NRP2: variants seen among roughly 807,000 people sequenced by gnomAD.
NRP2 encodes neuropilin-2.
NRP2 carries 52 observed loss-of-function variants against 110.4 expected under a neutral mutation model. That is an observed-to-expected ratio of 0.47 (90% confidence interval 0.38 to 0.59). NRP2 has a LOEUF of 0.59. Ranked by LOEUF, NRP2 falls within the 20% of genes least tolerant of loss-of-function variation. The pLI is 0.00. For synonymous variants in NRP2, 508 were observed against 468.9 expected (o/e 1.08, Z -1.08); for missense variants, 1,049 against 1,203.0 (o/e 0.87, Z 1.89).
At chr2:205,791,139 A>T (rs559978179) in intron 15 of NRP2, among the ~76,000 whole-genome samples, 14 of 152,314 alleles carry the variant, frequency 9.2e-5, no homozygotes, top group African/African-American at 3.4e-4. Flanking sequence ...TGTAGTGCTG[A>T]TGAAGGAAGC....
At chr2:205,722,729 T>G in intron 4 of NRP2, 21 bp downstream of exon 4, 1 of 1,597,508 alleles carries the variant, frequency 6.3e-7, no homozygotes, top group Non-Finnish European at 8.6e-7. Context: ...TCATGAGGCA[T>G]TCCTCAGTAG....
chr2:205,770,017 G>GT (rs886975420), intron 15 of NRP2, among the ~76,000 whole-genome samples: 3 of 152,180 alleles, frequency 2.0e-5, no homozygotes, highest in Non-Finnish European at 4.4e-5. Flanking sequence ...GGAGGCAAGA[G>GT]TTTTTGTTCG....
At chr2:205,765,743 G>A in intron 14 of NRP2, 173 bp downstream of exon 14, 1 of 745,532 alleles carries the variant, frequency 1.3e-6, no homozygotes, top group Non-Finnish European at 2.5e-6. Context: ...TGGGTTCAGG[G>A]TGGGAAGGGG....
chr2:205,704,046 T>C (rs984315581), intron 2 of NRP2, among the ~76,000 whole-genome samples: 2 of 152,082 alleles, frequency 1.3e-5, no homozygotes, highest in Non-Finnish European at 2.9e-5. Flanking sequence ...CCCTGTCCAT[T>C]GTAGGGTCTC....
chr2:205,793,183 T>G (rs1021198811), intron 16 of NRP2, among the ~76,000 whole-genome samples: 1 of 152,066 alleles, frequency 6.6e-6, no homozygotes, highest in African/African-American at 2.4e-5. Context: ...CCAACCTACA[T>G]GGAGAGACCG....
intron 7 of NRP2, among the ~76,000 whole-genome samples, chr2:205,735,181 G>C (rs1272427901): frequency 6.6e-6 from 1 of 152,098 alleles, no homozygotes. Context: ...CTGGGCACAT[G>C]GGTATTGATA....
chr2:205,743,657 A>C lies in NRP2; in HGVS notation c.1641+105A>C. On this transcript the variant is annotated intron_variant, in intron 9 of 16. Coordinates refer to ENST00000357785, the MANE Select transcript of NRP2 (RefSeq NM_003872.3). ...TGTCCCATCTAAACAGTCGTCATCC[A>C]ACTCCTGAAATCCAATAAAACAAAT... 1.0e-5 allele frequency: 15 copies of C among 1,506,070 alleles called. No individual in the cohort carries two copies. The South Asian group carries it at 2.0e-4, about 20-fold the overall frequency. 93.3% of individuals were successfully genotyped at this position (1,506,070 alleles called of 1,614,324 possible).
chr2:205,738,242 C>A (rs1559338115), intron 7 of NRP2, among the ~76,000 whole-genome samples: 1 of 152,132 alleles, frequency 6.6e-6, no homozygotes, highest in Non-Finnish European at 1.5e-5. Flanking sequence ...CCAATGTGAA[C>A]TCCTTAGCGT....
Position 205,725,063 on chromosome 2 carries a change from C to T in NRP2, c.821-850C>T, listed in dbSNP as rs185279765. On this transcript the variant is annotated intron_variant, in intron 5 of 16. Transcript: ENST00000357785. This position sits in a 1 kb window ranked among gnomAD's most constrained non-coding sequence, Gnocchi z 4.1. Reference sequence around the variant, plus strand: ...AGACAACTCACCATATATATAACTACAGACACGGCAGCCTGGCCTGCAGGA... The same window carrying T: ...AGACAACTCACCATATATATAACTATAGACACGGCAGCCTGGCCTGCAGGA... Among the ~76,000 whole-genome samples the T allele has an allele frequency of 6.8e-4, 103 of 152,336 alleles. No homozygotes were observed. The highest frequency in any genetic ancestry group is 1.1e-3 in the Admixed American group (17 of 15,298).
In NRP2 at chr2:205,686,488, C is replaced by A. The variant is rs1050929199; in HGVS notation, c.73+3125C>A. Among the ~76,000 whole-genome samples, 1 of 152,218 alleles carries A rather than the reference C, an allele frequency of 6.6e-6. No homozygotes were observed. The highest frequency in any genetic ancestry group is 6.5e-5 in the Admixed American group (1 of 15,284). ...TCAACACAAGTTAATGGAGGCAAGG[C>A]GCGCTCTGATTGAAGGGCTGCCCCC... On this transcript the variant is annotated intron_variant, in intron 1 of 16. Coordinates refer to ENST00000357785, the MANE Select transcript of NRP2 (RefSeq NM_003872.3). This position sits in a 1 kb window ranked among gnomAD's most constrained non-coding sequence, Gnocchi z 4.7.
At chr2:205,770,356 G>A (rs1235382531) in intron 15 of NRP2, among the ~76,000 whole-genome samples, 3 of 152,120 alleles carry the variant, frequency 2.0e-5, no homozygotes, top group Non-Finnish European at 2.9e-5. Context: ...GCTGTCTCTT[G>A]GGCATAGAGG....
chr2:205,737,930 G>A (rs920417631), intron 7 of NRP2, among the ~76,000 whole-genome samples: 2 of 152,164 alleles, frequency 1.3e-5, no homozygotes, highest in African/African-American at 4.8e-5. Flanking sequence ...TCATACATGC[G>A]AGTGCGTGCA....
At position 205,743,513 on chromosome 2, in the gene NRP2, C is replaced by G; in HGVS notation, c.1602C>G (p.Asp534Glu). Reference protein sequence around the residue: ...FKVSYSLNGKDWEYIQDPRTQ... With the variant: ...FKVSYSLNGKEWEYIQDPRTQ... Reference sequence around the variant, plus strand: ...TCTCCTACAGCCTAAACGGCAAGGACTGGGAATACATTCAGGACCCCAGGA... The same window carrying G: ...TCTCCTACAGCCTAAACGGCAAGGAGTGGGAATACATTCAGGACCCCAGGA... Residue 534 changes from aspartate (D) to glutamate (E), a missense_variant, in exon 9 of 17, where the codon GAC becomes GAG. Coordinates refer to ENST00000357785, the MANE Select transcript of NRP2 (RefSeq NM_003872.3). 1 of 1,614,176 alleles carries G rather than the reference C, an allele frequency of 6.2e-7. No homozygotes were observed. Among genetic ancestry groups the G allele is most frequent in the African/African-American group, 1.3e-5 (1 of 75,034 alleles).
chr2:205,749,348 A>G (rs2057598726), intron 10 of NRP2, among the ~76,000 whole-genome samples: 1 of 152,162 alleles, frequency 6.6e-6, no homozygotes, highest in African/African-American at 2.4e-5. Context: ...CTTTAAATCC[A>G]TATTCCCGTC....
At chr2:205,767,392 G>A in intron 15 of NRP2, 1 of 516,104 alleles carries the variant, frequency 1.9e-6, no homozygotes, top group Non-Finnish European at 3.9e-6. Context: ...GGTGGCCTCA[G>A]GAGAAAGAGT....
intron 15 of NRP2, among the ~76,000 whole-genome samples, chr2:205,782,283 C>T (rs1432901411): frequency 6.6e-6 from 1 of 152,002 alleles, no homozygotes; most frequent in Non-Finnish European, 1.5e-5. Flanking sequence ...TAGGAAAGAC[C>T]ATTTGAACAG....
At chr2:205,697,327 T>C (rs987978362) in intron 1 of NRP2, among the ~76,000 whole-genome samples, 1 of 150,998 alleles carries the variant, frequency 6.6e-6, no homozygotes, top group Admixed American at 6.6e-5. Flanking sequence ...TGTGTGTGTG[T>C]GTGTGTGTGT....
At chr2:205,790,442 A>G (rs2058286537) in intron 15 of NRP2, among the ~76,000 whole-genome samples, 1 of 152,146 alleles carries the variant, frequency 6.6e-6, no homozygotes. Flanking sequence ...CCAAGAATTC[A>G]TCACATCCTT....
At chr2:205,722,145 C>CCTCTCTCTCT (rs140982811) in intron 3 of NRP2, 15 of 221,224 alleles carry the variant, frequency 6.8e-5, no homozygotes, top group Admixed American at 3.1e-4. Flanking sequence ...CAAGAGAATC[C>CCTCTCTCTCT]CTCTCTCTCT....
Sources: allele counts gnomAD v4.1 joint callset (sites outside exome capture counted in the v4.1 genomes callset), GRCh38; gene constraint gnomAD v4.1.1; non-coding constraint Gnocchi (gnomAD v3.1); transcripts MANE v1.5; gene names NCBI Gene and HGNC (gene_info 2026-07-23, HGNC 2026-07-21).